The following APOBEC3G variants were observed in gnomAD, a reference collection of about 807,000 sequenced individuals.
APOBEC3G encodes DNA dC->dU-editing enzyme APOBEC-3G.
Under a neutral mutation model 50.0 loss-of-function variants are expected in APOBEC3G, and 44 were observed. The observed-to-expected ratio is 0.88, with a 90% CI of 0.69 to 1.13. The LOEUF is 1.13. Ranked by LOEUF, APOBEC3G falls within the 50% of genes most tolerant of loss-of-function variation. APOBEC3G has a pLI of 0.00. For synonymous variants in APOBEC3G, 156 were observed against 175.3 expected, an observed-to-expected ratio of 0.89 and a Z score of 0.87; for missense variants, 469 against 492.0, an observed-to-expected ratio of 0.95 and a Z score of 0.44.
intron 5 of APOBEC3G, among the ~76,000 whole-genome samples, chr22:39,085,401 C>T (rs1027817104): frequency 1.3e-5 from 2 of 152,142 alleles, no homozygotes; most frequent in Non-Finnish European, 2.9e-5. Context: ...GTCAGCCTCC[C>T]CATGAGGGAA....
In APOBEC3G at chr22:39,081,375, T is replaced by C. The variant is rs1455727261; in HGVS notation, c.467-96T>C. ...GTGGGGTTGGGTCTGGCGCTGACTG[T>C]AACTAGTATCTAGAATATGTCTGGG... On this transcript the variant is annotated intron_variant, in intron 3 of 7. Transcript: ENST00000407997. 12 of 1,527,744 alleles carry C rather than the reference T, an allele frequency of 7.9e-6. No homozygotes were observed. The Admixed American group carries it at 1.9e-4, about 25-fold the overall frequency. 94.6% of individuals were successfully genotyped at this position (1,527,744 alleles called of 1,614,324 possible). A position where few individuals can be genotyped will look rare whatever the true frequency, so the allele number is the denominator to read the frequency against.
rs755889911 is a variant in APOBEC3G, at chr22:39,079,092, C to G, written c.171+7C>G. On this transcript the variant is annotated splice_region_variant and intron_variant, in intron 2 of 7. Transcript: ENST00000407997. Reference sequence around the variant, plus strand: ...AAAGATCTTTCGAGGCCAGGTACCACCCGGACTCCAATCACTTTGCAGGCA... The same window carrying G: ...AAAGATCTTTCGAGGCCAGGTACCAGCCGGACTCCAATCACTTTGCAGGCA... 6.2e-7 allele frequency: 1 copy of G among 1,613,892 alleles called. No individual in the cohort carries two copies. Among genetic ancestry groups the G allele is most frequent in the Admixed American group, 1.7e-5 (1 of 59,952 alleles).
In APOBEC3G at chr22:39,087,594, T is replaced by C. The variant is rs1928755828; in HGVS notation, c.*173T>C. ...GATTCTTTTAAAAATTAGAGTGCAT[T>C]ACTTTGAATCAAAAATTTATTTATA... On this transcript the variant is annotated 3_prime_UTR_variant, in exon 8 of 8. Coordinates refer to ENST00000407997, the MANE Select transcript of APOBEC3G (RefSeq NM_021822.4). 3.2e-6 allele frequency: 4 copies of C among 1,251,634 alleles called. No individual in the cohort carries two copies. In the East Asian group the frequency reaches 9.9e-5, roughly 31 times the overall value. The allele number at this position is 1,251,634 out of a possible 1,614,324, so 77.5% of individuals were successfully genotyped here.
chr22:39,081,581 C>A lies in APOBEC3G; in HGVS notation c.577C>A (p.Leu193Ile). 1 of 1,612,668 alleles carries A rather than the reference C, an allele frequency of 6.2e-7. No individual in the cohort carries two copies. Among genetic ancestry groups the A allele is most frequent in the Non-Finnish European group, 8.5e-7 (1 of 1,178,832 alleles). The part of the protein sequence containing the change: ...ILLHIMLGEI[L>I]RHSMDPPTFT... The stretch of plus-strand genomic sequence containing the variant: ...ACTGCACATCATGCTGGGGGAGATT[C>A]TCAGGTGAGGGTCTCCCTCCAGGCT... The change falls in exon 4 of 8, where the codon CTC becomes ATC. Residue 193 changes from leucine to isoleucine, a missense_variant. Leu to Ile is a conservative substitution (Grantham distance 5). Transcript: ENST00000407997.
At chr22:39,079,118 G>A in intron 2 of APOBEC3G, 33 bp downstream of exon 2, 1 of 1,611,536 alleles carries the variant, frequency 6.2e-7, no homozygotes, top group Non-Finnish European at 8.5e-7. Context: ...TTTGCAGGCA[G>A]GAGCTAAGCC....
chr22:39,079,015 G>T lies in APOBEC3G; in HGVS notation c.101G>T (p.Trp34Leu). The T allele has an allele frequency of 6.2e-7, 1 of 1,614,200 alleles. No individual in the cohort carries two copies. The highest frequency in any genetic ancestry group is 1.1e-5 in the South Asian group (1 of 91,080). Residue 34 changes from tryptophan (W) to leucine (L), a missense_variant, in exon 2 of 8, where the codon TGG becomes TTG. Transcript: ENST00000407997. ...ATCCTTTCTCGTCGGAATACCGTCT[G>T]GCTGTGCTACGAAGTGAAAACAAAG... Reference protein sequence around the residue: ...RPILSRRNTVWLCYEVKTKGP... With the variant: ...RPILSRRNTVLLCYEVKTKGP...
chr22:39,086,209 C>T, intron 5 of APOBEC3G, 70 bp from the exon 6 acceptor site: 3 of 1,498,410 alleles, frequency 2.0e-6, no homozygotes, highest in Non-Finnish European at 2.7e-6. Flanking sequence ...ACACTCCAGC[C>T]TGGGCAACAA....
chr22:39,085,083 G>T (rs1303960413), intron 5 of APOBEC3G, among the ~76,000 whole-genome samples: 2 of 152,178 alleles, frequency 1.3e-5, no homozygotes, highest in Non-Finnish European at 2.9e-5. Context: ...CACAAATCGT[G>T]TCATCCATTC....
Position 39,086,355 on chromosome 22 carries a change from T to G in APOBEC3G, c.812T>G (p.Leu271Arg). 1 of 1,613,988 alleles carries G rather than the reference T, an allele frequency of 6.2e-7. No individual in the cohort carries two copies. Among genetic ancestry groups the G allele is most frequent in the Non-Finnish European group, 8.5e-7 (1 of 1,179,854 alleles). Reference protein sequence around the residue: ...CFLDVIPFWKLDLDQDYRVTC... With the variant: ...CFLDVIPFWKRDLDQDYRVTC... ...CTGGACGTGATTCCCTTTTGGAAGCTGGACCTGGACCAGGACTACAGGGTT... is the reference window on the plus strand; with the variant it reads ...CTGGACGTGATTCCCTTTTGGAAGCGGGACCTGGACCAGGACTACAGGGTT... The change falls in exon 6 of 8, where the codon CTG (leucine) becomes CGG (arginine). Residue 271 changes from leucine to arginine, a missense_variant. Leu to Arg is a moderately radical substitution (Grantham distance 102, BLOSUM62 -2). Transcript: ENST00000407997.
chr22:39,078,672 T>C (rs1928278553), intron 1 of APOBEC3G: 1 of 465,128 alleles, frequency 2.1e-6, no homozygotes, highest in Admixed American at 3.8e-5. Context: ...GCTGAAAGGT[T>C]AAAAGCTGTT....
chr22:39,085,436 T>C (rs1446901163), intron 5 of APOBEC3G, among the ~76,000 whole-genome samples: 1 of 152,112 alleles, frequency 6.6e-6, no homozygotes, highest in Non-Finnish European at 1.5e-5. Context: ...GTGGCATCTG[T>C]CCTCCCTCCC....
intron 3 of APOBEC3G, 88 bp downstream of exon 3, chr22:39,081,315 G>C: frequency 6.4e-7 from 1 of 1,566,300 alleles, no homozygotes; most frequent in Admixed American, 1.8e-5. Context: ...GGTCTGCTCT[G>C]ATGCCTGCAA....
At chr22:39,080,228 A>C in intron 2 of APOBEC3G, 2 of 797,196 alleles carry the variant, frequency 2.5e-6, no homozygotes, top group South Asian at 9.9e-5. Context: ...GCCAGGCCAC[A>C]GTAGGGGCTG....
rs983819243 is a variant in APOBEC3G at position 39,079,054 on chromosome 22, C to T, written c.140C>T (p.Pro47Leu). ...GTGAAAACAAAGGGTCCCTCAAGGC[C>T]CCCTTTGGACGCAAAGATCTTTCGA... Reference protein sequence around the residue: ...YEVKTKGPSRPPLDAKIFRGQ... With the variant: ...YEVKTKGPSRLPLDAKIFRGQ... Residue 47 changes from proline (P) to leucine (L), a missense_variant, in exon 2 of 8, where the codon CCC becomes CTC. Transcript: ENST00000407997. The T allele has an allele frequency of 2.5e-6, 4 of 1,614,188 alleles. No individual in the cohort carries two copies. The highest frequency in any genetic ancestry group is 3.4e-6 in the Non-Finnish European group (4 of 1,180,020).
At chr22:39,087,232 C>T in intron 7 of APOBEC3G, 106 bp downstream of exon 7, 1 of 1,601,924 alleles carries the variant, frequency 6.2e-7, no homozygotes, top group Non-Finnish European at 8.5e-7. Flanking sequence ...GGGTTCCCTG[C>T]TCCCCCAGGG....
intron 4 of APOBEC3G, 148 bp downstream of exon 4, chr22:39,081,733 T>C (rs1601521439): frequency 4.7e-6 from 3 of 640,624 alleles, no homozygotes; most frequent in Middle Eastern, 3.9e-4. Flanking sequence ...GTGGTTACAC[T>C]CCCTCACCCA....
In APOBEC3G at chr22:39,080,950, G is replaced by A. The variant is rs758427338; in HGVS notation, c.189G>A (p.Lys63=). 1.3e-6 allele frequency: 2 copies of A among 1,586,514 alleles called. No homozygotes were observed. Among genetic ancestry groups the A allele is most frequent in the Admixed American group, 1.7e-5 (1 of 58,888 alleles). Residue 63 remains lysine (K), a synonymous_variant, in exon 3 of 8, where the codon AAG becomes AAA. Transcript: ENST00000407997. ...IFRGQVYSEL[K]YHPEMRFFHW... ...TCTCCCAGGTGTATTCCGAACTTAA[G>A]TACCACCCAGAGATGAGATTCTTCC...
rs746526466 is a variant in APOBEC3G at position 39,086,540 on chromosome 22, G to T, written c.997G>T (p.Ala333Ser). 3 of 1,608,988 alleles carry T rather than the reference G, an allele frequency of 1.9e-6. No homozygotes were observed. The Admixed American group carries it at 5.0e-5, about 27-fold the overall frequency. Residue 333 changes from alanine (A) to serine (S), a missense_variant, in exon 6 of 8, where the codon GCC (alanine) becomes TCC (serine). Ala to Ser is a moderately conservative substitution (Grantham distance 99). Transcript: ENST00000407997. The stretch of plus-strand genomic sequence containing the variant: ...GCTGCGCACCCTGGCCGAGGCTGGG[G>T]CCAAAATTTCAATAATGACATACAG... ...EGLRTLAEAG[A>S]KISIMTYSEF...
chr22:39,086,874 C>G (rs1569086807), intron 6 of APOBEC3G, 137 bp from the exon 7 acceptor site: 1 of 1,107,928 alleles, frequency 9.0e-7, no homozygotes, highest in Admixed American at 2.9e-5. Flanking sequence ...GATGAAGGAG[C>G]TAAGTCCCTA....
Sources: gnomAD v4.1 joint callset for allele counts (sites outside exome capture counted in the v4.1 genomes callset) on GRCh38, gnomAD v4.1.1 for gene constraint, MANE v1.5 for transcripts, NCBI Gene and HGNC (gene_info 2026-07-23, HGNC 2026-07-21) for gene names.